ZNF236: variants seen among roughly 807,000 people sequenced by gnomAD.
ZNF236 encodes the protein zinc finger protein 236, also known as regulated by glucose.
Under a neutral mutation model 191.2 loss-of-function variants are expected in ZNF236, and 50 were observed. That is an observed-to-expected ratio of 0.26 (90% CI 0.21 to 0.33). The LOEUF (loss-of-function observed/expected upper bound fraction) is 0.33, where lower values mean the gene tolerates loss of function less well. Among genes scored for constraint, ZNF236 ranks in the 10% least tolerant of loss-of-function variants. ZNF236 has a pLI of 1.00. For missense variants in ZNF236, 1,754 were observed against 2,374.5 expected (o/e 0.74, Z 5.43); for synonymous variants, 907 against 928.8 (o/e 0.98, Z 0.43).
rs1231690702 is a variant in ZNF236 at position 76,971,518 on chromosome 18, G to A, written c.*3179G>A. Reference sequence around the variant, plus strand: ...CGTGCATATTTTCTACTCCCCTGTTGTAATATTTTAAGGAAACTTGATCTT... The same window carrying A: ...CGTGCATATTTTCTACTCCCCTGTTATAATATTTTAAGGAAACTTGATCTT... On this transcript the variant is annotated 3_prime_UTR_variant, in exon 31 of 31. Transcript: ENST00000320610. Among the ~76,000 whole-genome samples the A allele has an allele frequency of 6.6e-6, 1 of 152,198 alleles. No homozygotes were observed. The highest frequency in any genetic ancestry group is 1.5e-5 in the Non-Finnish European group (1 of 68,026).
At chr18:76,862,949 C>T (rs1486276816) in intron 3 of ZNF236, among the ~76,000 whole-genome samples, 1 of 152,118 alleles carries the variant, frequency 6.6e-6, no homozygotes, top group Non-Finnish European at 1.5e-5. Context: ...TACTTTAAAG[C>T]AGCTGTCAAG....
chr18:76,917,712 A>T (rs138970501), intron 19 of ZNF236, among the ~76,000 whole-genome samples: 1 of 152,240 alleles, frequency 6.6e-6, no homozygotes, highest in African/African-American at 2.4e-5. Flanking sequence ...AGTCTGTGCT[A>T]TACTGATTGT....
chr18:76,893,751 T>C (rs1386147571), intron 9 of ZNF236, among the ~76,000 whole-genome samples: 1 of 152,250 alleles, frequency 6.6e-6, no homozygotes, highest in Non-Finnish European at 1.5e-5. Flanking sequence ...GAGCTCAAGC[T>C]ATCTGTCCGC....
intron 3 of ZNF236, among the ~76,000 whole-genome samples, chr18:76,854,233 A>T (rs1223665790): frequency 3.3e-5 from 5 of 152,208 alleles, no homozygotes; most frequent in Non-Finnish European, 7.3e-5. Context: ...GAAAGAAAAC[A>T]TACTATGTGG....
chr18:76,851,049 G>T (rs1336583310), intron 2 of ZNF236, among the ~76,000 whole-genome samples: 1 of 124,772 alleles, frequency 8.0e-6, no homozygotes, highest in African/African-American at 3.0e-5. Flanking sequence ...TTAAAAAAAA[G>T]CTTCATCATA....
At chr18:76,884,639 C>T (rs1024221361) in intron 9 of ZNF236, among the ~76,000 whole-genome samples, 1 of 152,160 alleles carries the variant, frequency 6.6e-6, no homozygotes. Flanking sequence ...CCGTGAACTT[C>T]GGTGTACTCT....
chr18:76,929,643 G>A (rs113115699), intron 25 of ZNF236, among the ~76,000 whole-genome samples: 5 of 152,308 alleles, frequency 3.3e-5, no homozygotes, highest in Admixed American at 2.6e-4. Context: ...GGCTTCAGCT[G>A]TTCTAGGAGA....
chr18:76,915,326 C>G (rs1035356551), intron 18 of ZNF236, among the ~76,000 whole-genome samples: 2 of 151,894 alleles, frequency 1.3e-5, no homozygotes, highest in African/African-American at 2.4e-5. Flanking sequence ...TGTAAAAGAC[C>G]AAGGAGAGAG....
At chr18:76,968,159 C>T in intron 30 of ZNF236, 56 bp from the exon 31 acceptor site, 1 of 1,599,748 alleles carries the variant, frequency 6.3e-7, no homozygotes, top group South Asian at 1.1e-5. Flanking sequence ...AAATAGGAAT[C>T]ATTTTGTGCT....
At chr18:76,910,256 AAG>A in intron 15 of ZNF236, 87 bp downstream of exon 15, 2 of 1,170,652 alleles carry the variant, frequency 1.7e-6, no homozygotes, top group South Asian at 2.8e-5. Flanking sequence ...GTTTTCTCTT[AAG>A]GCCCTTCTAA....
chr18:76,868,448 CT>C (rs1211545853), intron 3 of ZNF236, among the ~76,000 whole-genome samples: 1 of 152,216 alleles, frequency 6.6e-6, no homozygotes, highest in Non-Finnish European at 1.5e-5. Flanking sequence ...ATCTCTCACC[CT>C]TTTCCCAATG....
intron 16 of ZNF236, among the ~76,000 whole-genome samples, chr18:76,911,161 G>T (rs1400566860): frequency 6.6e-6 from 1 of 152,162 alleles, no homozygotes; most frequent in Non-Finnish European, 1.5e-5. Flanking sequence ...TTTTAAACAT[G>T]TTAGAAGGAA....
intron 25 of ZNF236, among the ~76,000 whole-genome samples, chr18:76,936,678 CTAG>C (rs1460640768): frequency 6.6e-6 from 1 of 152,178 alleles, no homozygotes; most frequent in Non-Finnish European, 1.5e-5. Flanking sequence ...AGCTCAGGAG[CTAG>C]TTATTCCTCA....
At chr18:76,861,978 C>T (rs1976247348) in intron 3 of ZNF236, among the ~76,000 whole-genome samples, 1 of 152,226 alleles carries the variant, frequency 6.6e-6, no homozygotes, top group South Asian at 2.1e-4. Context: ...ATTCTCCTGC[C>T]TCAGCCTCCC....
chr18:76,849,892 G>A (rs559692786), intron 2 of ZNF236, among the ~76,000 whole-genome samples: 3 of 152,304 alleles, frequency 2.0e-5, no homozygotes, highest in African/African-American at 7.2e-5. Context: ...TTTGTATATT[G>A]AAGTTACTTA....
In ZNF236 at chr18:76,875,747, C is replaced by A; in HGVS notation, c.840+83C>A. ...GGTTAATAAACGGACCTGAGAAATTCTTTTCCATTTAAAAAAATGCAGATT... is the reference window on the plus strand; with the variant it reads ...GGTTAATAAACGGACCTGAGAAATTATTTTCCATTTAAAAAAATGCAGATT... On this transcript the variant is annotated intron_variant, in intron 6 of 30. Transcript: ENST00000320610. The surrounding 1 kb of genome is among the most constrained non-coding windows in gnomAD (Gnocchi z 4.3). 1.6e-6 allele frequency: 2 copies of A among 1,279,836 alleles called. No individual in the cohort carries two copies. Among genetic ancestry groups the A allele is most frequent in the Non-Finnish European group, 2.0e-6 (2 of 991,898 alleles). The allele number at this position is 1,279,836 out of a possible 1,614,324, so 79.3% of individuals were successfully genotyped here.
At position 76,960,779 on chromosome 18, in the gene ZNF236, G is replaced by C. The variant is rs201873301; in HGVS notation, c.5343G>C (p.Lys1781Asn). ...AGCACACGGGGGAGCGGCCCTACAAGTGTGCCTACTGCGTCATGGGCTTCA... is the reference window on the plus strand; with the variant it reads ...AGCACACGGGGGAGCGGCCCTACAACTGTGCCTACTGCGTCATGGGCTTCA... Reference protein sequence around the residue: ...MKKHTGERPYKCAYCVMGFTQ... With the variant: ...MKKHTGERPYNCAYCVMGFTQ... The change falls in exon 30 of 31, where the codon AAG (lysine) becomes AAC (asparagine). Residue 1781 changes from lysine (K) to asparagine (N), a missense_variant. Lys to Asn is a moderately conservative substitution (Grantham distance 94). Coordinates refer to ENST00000320610, the MANE Select transcript of ZNF236 (RefSeq NM_001306089.2). The surrounding 1 kb of genome is among the most constrained non-coding windows in gnomAD (Gnocchi z 4.4). 7 of 1,614,182 alleles carry C rather than the reference G, an allele frequency of 4.3e-6. No individual in the cohort carries two copies. Among genetic ancestry groups the C allele is most frequent in the Non-Finnish European group, 5.9e-6 (7 of 1,180,016 alleles).
chr18:76,945,949 T>C (rs1968249625), intron 26 of ZNF236, among the ~76,000 whole-genome samples: 1 of 152,246 alleles, frequency 6.6e-6, no homozygotes. Context: ...GAATCCCTGA[T>C]GATGACTGTA....
At chr18:76,858,003 G>C (rs1322508582) in intron 3 of ZNF236, among the ~76,000 whole-genome samples, 1 of 152,104 alleles carries the variant, frequency 6.6e-6, no homozygotes, top group South Asian at 2.1e-4. Context: ...ATGATATTGT[G>C]TAGGGAGGTC....
Sources: allele counts gnomAD v4.1 joint callset (sites outside exome capture counted in the v4.1 genomes callset), GRCh38; gene constraint gnomAD v4.1.1; non-coding constraint Gnocchi (gnomAD v3.1); transcripts MANE v1.5; gene names NCBI Gene and HGNC (gene_info 2026-07-23, HGNC 2026-07-21).